GRIA1: variants seen among roughly 807,000 people sequenced by gnomAD.
The protein encoded by GRIA1 is glutamate receptor 1.
GRIA1 carries 31 observed loss-of-function variants against 99.2 expected under a neutral mutation model. The observed-to-expected ratio is 0.31, with a 90% CI of 0.23 to 0.42. The LOEUF is 0.42. GRIA1 is among the 10% of genes least tolerant of loss of function. GRIA1 has a pLI of 1.00. For missense variants in GRIA1, 782 were observed against 1,157.5 expected (o/e 0.68, Z 4.71); for synonymous variants, 438 against 432.4 (o/e 1.01, Z -0.16).
At chr5:153,549,547 G>A (rs191828703) in intron 2 of GRIA1, among the ~76,000 whole-genome samples, 1 of 152,220 alleles carries the variant, frequency 6.6e-6, no homozygotes, top group East Asian at 1.9e-4. Context: ...GGTTTATTGT[G>A]GGTCTGAGAT....
intron 2 of GRIA1, among the ~76,000 whole-genome samples, chr5:153,562,119 C>T (rs773174650): frequency 2.7e-5 from 4 of 147,124 alleles, no homozygotes; most frequent in East Asian, 2.0e-4. Context: ...AGAACAACTA[C>T]GAATGGTGAA....
intron 1 of GRIA1, 96 bp downstream of exon 1, chr5:153,491,066 T>C (rs1231963140): frequency 1.6e-6 from 2 of 1,239,102 alleles, no homozygotes; most frequent in African/African-American, 1.5e-5. Context: ...GTACTGACTG[T>C]TTTGCTTGGC....
chr5:153,708,963 G>A (rs1759115211), intron 11 of GRIA1, among the ~76,000 whole-genome samples: 1 of 152,178 alleles, frequency 6.6e-6, no homozygotes. Context: ...CAGAGTTTAG[G>A]AGCCTGTAAA....
At chr5:153,778,460 T>G (rs965853320) in intron 13 of GRIA1, among the ~76,000 whole-genome samples, 1 of 152,068 alleles carries the variant, frequency 6.6e-6, no homozygotes, top group African/African-American at 2.4e-5. Context: ...AGAAGTGATG[T>G]GCATTATCCT....
At chr5:153,526,497 A>G (rs1184116790) in intron 2 of GRIA1, among the ~76,000 whole-genome samples, 6 of 152,210 alleles carry the variant, frequency 3.9e-5, no homozygotes, top group South Asian at 2.1e-4. Flanking sequence ...ACATGAAAAT[A>G]TCAAACATTA....
chr5:153,680,736 C>T (rs925915544), intron 7 of GRIA1, among the ~76,000 whole-genome samples: 14 of 152,200 alleles, frequency 9.2e-5, no homozygotes, highest in African/African-American at 3.1e-4. Flanking sequence ...GTTTAAGACG[C>T]AGTCCTGCCT....
At chr5:153,577,868 T>A (rs1407603315) in intron 2 of GRIA1, among the ~76,000 whole-genome samples, 2 of 151,696 alleles carry the variant, frequency 1.3e-5, no homozygotes, top group Non-Finnish European at 2.9e-5. Flanking sequence ...AGATAAAGAT[T>A]CCCCAGGCAC....
intron 11 of GRIA1, among the ~76,000 whole-genome samples, chr5:153,707,304 A>G (rs974549530): frequency 1.3e-5 from 2 of 152,140 alleles, no homozygotes; most frequent in African/African-American, 2.4e-5. Flanking sequence ...AAGTGACTGA[A>G]GCTAAGAAAA....
chr5:153,672,053 C>T (rs193227985), intron 5 of GRIA1, among the ~76,000 whole-genome samples: 9 of 152,130 alleles, frequency 5.9e-5, no homozygotes, highest in Non-Finnish European at 1.2e-4. Flanking sequence ...TCCTAAAAAA[C>T]CAGGGAAGGG....
chr5:153,653,448 T>G (rs550518561), intron 4 of GRIA1, among the ~76,000 whole-genome samples: 1 of 152,296 alleles, frequency 6.6e-6, no homozygotes, highest in South Asian at 2.1e-4. Context: ...AGTTTAGGGT[T>G]TATTCTGTAA....
intron 2 of GRIA1, among the ~76,000 whole-genome samples, chr5:153,515,949 G>A (rs1756582360): frequency 1.3e-5 from 2 of 152,054 alleles, no homozygotes; most frequent in South Asian, 2.1e-4. Context: ...GGCTGGGAGT[G>A]GTGGCTCACA....
intron 2 of GRIA1, among the ~76,000 whole-genome samples, chr5:153,498,298 C>T (rs1171362042): frequency 6.6e-6 from 1 of 152,154 alleles, no homozygotes; most frequent in African/African-American, 2.4e-5. Flanking sequence ...AGTTTGCAAG[C>T]CCTGATTGAT....
At chr5:153,534,647 G>C (rs929106628) in intron 2 of GRIA1, among the ~76,000 whole-genome samples, 1 of 152,170 alleles carries the variant, frequency 6.6e-6, no homozygotes, top group African/African-American at 2.4e-5. Context: ...GTAAGTGCTT[G>C]ACTGAGACTA....
intron 13 of GRIA1, among the ~76,000 whole-genome samples, chr5:153,789,696 C>T (rs574959891): frequency 3.9e-5 from 6 of 152,204 alleles, no homozygotes; most frequent in Non-Finnish European, 4.4e-5. Flanking sequence ...TTAGAGCTAA[C>T]GAGTATTTGC....
intron 11 of GRIA1, among the ~76,000 whole-genome samples, chr5:153,720,404 A>G (rs1728964331): frequency 6.6e-6 from 1 of 152,186 alleles, no homozygotes; most frequent in South Asian, 2.1e-4. Flanking sequence ...TTATTTTGCC[A>G]CAGGAAACCC....
At chr5:153,659,468 G>A (rs993253972) in intron 5 of GRIA1, among the ~76,000 whole-genome samples, 2 of 152,168 alleles carry the variant, frequency 1.3e-5, no homozygotes, top group African/African-American at 2.4e-5. Flanking sequence ...CCCTAACACT[G>A]ACTGTGCATT....
chr5:153,560,922 AG>A (rs1213130805), intron 2 of GRIA1, among the ~76,000 whole-genome samples: 2 of 152,238 alleles, frequency 1.3e-5, no homozygotes, highest in Non-Finnish European at 2.9e-5. Flanking sequence ...CACAAGTCAA[AG>A]CTTCAGGCTG....
chr5:153,517,308 G>T (rs929991709), intron 2 of GRIA1, among the ~76,000 whole-genome samples: 1 of 151,970 alleles, frequency 6.6e-6, no homozygotes, highest in Non-Finnish European at 1.5e-5. Flanking sequence ...TTCATCCACC[G>T]CCTGCTGACT....
chr5:153,500,517 A>C (rs1754894133), intron 2 of GRIA1, among the ~76,000 whole-genome samples: 1 of 149,772 alleles, frequency 6.7e-6, no homozygotes. Flanking sequence ...TTTTCCTCTT[A>C]AGGGGCTCAG....
Sources: gnomAD v4.1 joint callset for allele counts (sites outside exome capture counted in the v4.1 genomes callset) on GRCh38, gnomAD v4.1.1 for gene constraint, MANE v1.5 for transcripts, NCBI Gene and HGNC (gene_info 2026-07-23, HGNC 2026-07-21) for gene names.